The following SLC3A1 variants were observed in gnomAD, a reference collection of about 807,000 sequenced individuals.
SLC3A1 encodes the protein solute carrier family 3 member 1.
A neutral mutation model predicts 60.3 loss-of-function variants in SLC3A1; 78 were observed. The ratio of observed to expected loss-of-function variants is 1.29; its 90% CI spans 1.08 to 1.56. The LOEUF (loss-of-function observed/expected upper bound fraction) is 1.56, where lower values mean the gene tolerates loss of function less well. SLC3A1 is among the 40% of genes most tolerant of loss of function. SLC3A1 has a pLI of 0.00. For missense variants in SLC3A1, 1,172 were observed against 858.9 expected, an observed-to-expected ratio of 1.36 and a Z score of -4.56; for synonymous variants, 392 against 307.9, an observed-to-expected ratio of 1.27 and a Z score of -2.86.
chr2:44,278,240 T>C (rs1344132675), intron 1 of SLC3A1, among the ~76,000 whole-genome samples: 4 of 151,598 alleles, frequency 2.6e-5, no homozygotes, highest in African/African-American at 9.7e-5. Context: ...GTCAGGAGAT[T>C]GAGACCATCC....
At chr2:44,303,214 CAAA>C (rs563902938) in intron 6 of SLC3A1, among the ~76,000 whole-genome samples, 22 of 145,662 alleles carry the variant, frequency 1.5e-4, no homozygotes, top group African/African-American at 4.8e-4. Context: ...GAAACAATAA[CAAA>C]AAAACAACCA....
At chr2:44,300,157 T>A in intron 5 of SLC3A1, 67 bp downstream of exon 5, 1 of 1,520,644 alleles carries the variant, frequency 6.6e-7, no homozygotes, top group Non-Finnish European at 9.1e-7. Context: ...GTTTTCTTTC[T>A]CAGCCTGAGA....
intron 9 of SLC3A1, chr2:44,316,441 C>T (rs1181565405): frequency 5.3e-5 from 8 of 151,682 alleles, no homozygotes; most frequent in South Asian, 4.2e-4. Flanking sequence ...TTGTCCAGAA[C>T]GTACTGAAAA....
intron 9 of SLC3A1, chr2:44,314,517 A>G (rs1672378406): frequency 6.1e-6 from 1 of 164,248 alleles, no homozygotes; most frequent in Non-Finnish European, 1.3e-5. Flanking sequence ...ACTGGAAAAC[A>G]AACTAAACCA....
In SLC3A1 at chr2:44,313,889, T is replaced by G; in HGVS notation, c.1555T>G (p.Phe519Val). 6.2e-7 allele frequency: 1 copy of G among 1,614,120 alleles called. No homozygotes were observed. Among genetic ancestry groups the G allele is most frequent in the Non-Finnish European group, 8.5e-7 (1 of 1,179,982 alleles). ...MQWDNSSNAG[F>V]SEASNTWLPT... ...GTGGGACAATAGTTCAAATGCTGGT[T>G]TTTCTGAAGCTAGTAACACCTGGTT... Residue 519 changes from phenylalanine to valine, a missense_variant, in exon 9 of 10, where the codon TTT becomes GTT. Coordinates refer to ENST00000260649, the MANE Select transcript of SLC3A1 (RefSeq NM_000341.4).
chr2:44,294,177 G>C (rs150090556), intron 4 of SLC3A1, among the ~76,000 whole-genome samples: 42 of 152,210 alleles, frequency 2.8e-4, no homozygotes, highest in African/African-American at 9.6e-4. Context: ...TTGGTCAACA[G>C]TGTCAAATGA....
At chr2:44,311,997 G>GT (rs1219787558) in intron 7 of SLC3A1, among the ~76,000 whole-genome samples, 1 of 152,100 alleles carries the variant, frequency 6.6e-6, no homozygotes, top group East Asian at 1.9e-4. Context: ...TATGGAGAGA[G>GT]TTGTCAGGTG....
intron 3 of SLC3A1, among the ~76,000 whole-genome samples, chr2:44,282,233 C>T (rs1671515525): frequency 6.6e-6 from 1 of 152,032 alleles, no homozygotes; most frequent in Non-Finnish European, 1.5e-5. Flanking sequence ...TGAATGAACC[C>T]AATTATCTAT....
At chr2:44,301,356 A>T in intron 6 of SLC3A1, 1 of 620,514 alleles carries the variant, frequency 1.6e-6, no homozygotes, top group Non-Finnish European at 2.9e-6. Context: ...CACACTACGT[A>T]CTTCACAGGA....
intron 5 of SLC3A1, 47 bp from the exon 6 acceptor site, chr2:44,300,956 A>G: frequency 1.2e-6 from 2 of 1,611,886 alleles, no homozygotes; most frequent in Non-Finnish European, 1.7e-6. Flanking sequence ...AGCTGTGGGC[A>G]TGCAATGTAT....
At chr2:44,315,871 C>A (rs1195082190) in intron 9 of SLC3A1, among the ~76,000 whole-genome samples, 3 of 151,892 alleles carry the variant, frequency 2.0e-5, no homozygotes, top group African/African-American at 7.3e-5. Context: ...ACAAGTGCAT[C>A]AAAGAAAGAA....
intron 4 of SLC3A1, among the ~76,000 whole-genome samples, chr2:44,297,558 CTCTCA>C (rs1671885237): frequency 6.6e-6 from 1 of 152,206 alleles, no homozygotes; most frequent in African/African-American, 2.4e-5. Flanking sequence ...GAGGTGTCTC[CTCTCA>C]TGAGGACCTG....
intron 8 of SLC3A1, among the ~76,000 whole-genome samples, 167 bp from the exon 9 acceptor site, chr2:44,313,668 A>G (rs563095054): frequency 6.6e-6 from 1 of 152,368 alleles, no homozygotes; most frequent in Non-Finnish European, 1.5e-5. Context: ...AAAGGGTGAA[A>G]CTGGTTTATG....
intron 1 of SLC3A1, among the ~76,000 whole-genome samples, chr2:44,278,978 A>G (rs973618700): frequency 1.3e-5 from 2 of 151,252 alleles, no homozygotes; most frequent in Non-Finnish European, 2.9e-5. Flanking sequence ...TAATTGATGC[A>G]TTTACTTATT....
chr2:44,302,187 C>G (rs1000505300), intron 6 of SLC3A1, among the ~76,000 whole-genome samples: 4 of 152,194 alleles, frequency 2.6e-5, no homozygotes, highest in African/African-American at 9.7e-5. Context: ...GCTTTGGAAT[C>G]AGGTAGGTCT....
chr2:44,301,033 C>A lies in SLC3A1; in HGVS notation c.1042C>A (p.His348Asn). 1 of 1,614,164 alleles carries A rather than the reference C, an allele frequency of 6.2e-7. No individual in the cohort carries two copies. The highest frequency in any genetic ancestry group is 2.2e-5 in the East Asian group (1 of 44,886). ...DTVTQYSELYHDFTTTQVGMH... is the reference protein window; with the variant it reads ...DTVTQYSELYNDFTTTQVGMH... ...GGTCACACAATACTCGGAGCTGTAC[C>A]ATGACTTCACCACCACGCAGGTGGG... Residue 348 changes from histidine (H) to asparagine (N), a missense_variant, in exon 6 of 10, where the codon CAT (histidine) becomes AAT (asparagine). Transcript: ENST00000260649.
intron 6 of SLC3A1, among the ~76,000 whole-genome samples, chr2:44,302,293 T>C (rs911580708): frequency 1.3e-5 from 2 of 151,980 alleles, no homozygotes; most frequent in Admixed American, 6.6e-5. Context: ...CAATAACCTC[T>C]ATAAGGCTGT....
intron 3 of SLC3A1, among the ~76,000 whole-genome samples, chr2:44,282,842 A>G (rs897884736): frequency 6.6e-6 from 1 of 151,652 alleles, no homozygotes; most frequent in African/African-American, 2.4e-5. Flanking sequence ...TTTTTTTGTA[A>G]AGACAGGGCC....
intron 3 of SLC3A1, 144 bp from the exon 4 acceptor site, chr2:44,285,888 G>T (rs544223169): frequency 1.3e-5 from 14 of 1,046,236 alleles, no homozygotes; most frequent in Non-Finnish European, 2.1e-5. Context: ...TTTGGAAGGG[G>T]TTTCTTTAAC....
Sources: allele counts gnomAD v4.1 joint callset (sites outside exome capture counted in the v4.1 genomes callset), GRCh38; gene constraint gnomAD v4.1.1; transcripts MANE v1.5; gene names NCBI Gene and HGNC (gene_info 2026-07-23, HGNC 2026-07-21).